Variants in STIMATE observed in about 807,000 individuals in gnomAD.
STIMATE encodes the protein STIM activating enhancer.
Under a neutral mutation model 36.7 loss-of-function variants are expected in STIMATE, and 15 were observed. The observed-to-expected ratio is 0.41, with a 90% CI of 0.27 to 0.63. STIMATE has a LOEUF of 0.63. Ranked by LOEUF, STIMATE falls within the 20% of genes least tolerant of loss-of-function variation. STIMATE has a pLI of 0.32. For missense variants in STIMATE, 305 were observed against 397.3 expected, an observed-to-expected ratio of 0.77 and a Z score of 1.98; for synonymous variants, 163 against 162.3, an observed-to-expected ratio of 1.00 and a Z score of -0.03.
intron 1 of STIMATE, among the ~76,000 whole-genome samples, chr3:52,864,894 C>A (rs1701276972): frequency 6.6e-6 from 1 of 152,126 alleles, no homozygotes; most frequent in Non-Finnish European, 1.5e-5. Flanking sequence ...CAGCCTGGAC[C>A]TTGTCTACAT....
At chr3:52,871,059 CTTCATCGTTG>C (rs1355359247) in intron 1 of STIMATE, among the ~76,000 whole-genome samples, 1 of 152,132 alleles carries the variant, frequency 6.6e-6, no homozygotes, top group Non-Finnish European at 1.5e-5. Context: ...ATCCTGCTCC[CTTCATCGTTG>C]CATTAGGAGG....
intron 1 of STIMATE, among the ~76,000 whole-genome samples, chr3:52,869,572 T>C (rs755626264): frequency 6.6e-6 from 1 of 152,244 alleles, no homozygotes; most frequent in Non-Finnish European, 1.5e-5. Context: ...AAGTCTCTTA[T>C]GCACATCTTT....
intron 1 of STIMATE, among the ~76,000 whole-genome samples, chr3:52,897,021 G>A (rs1701875731): frequency 6.6e-6 from 1 of 152,192 alleles, no homozygotes; most frequent in Admixed American, 6.5e-5. Flanking sequence ...ATTCGAGATG[G>A]TAAGGTGGGA....
chr3:52,884,403 G>A (rs980568335), intron 1 of STIMATE, among the ~76,000 whole-genome samples: 8 of 151,936 alleles, frequency 5.3e-5, no homozygotes, highest in Non-Finnish European at 1.2e-4. Flanking sequence ...CCGCCACCAC[G>A]CCCGGCTAAT....
intron 1 of STIMATE, among the ~76,000 whole-genome samples, chr3:52,889,354 G>A (rs1272350255): frequency 2.0e-5 from 3 of 152,168 alleles, no homozygotes; most frequent in Non-Finnish European, 2.9e-5. Flanking sequence ...CCCACACCTC[G>A]AGAGCTGCAT....
chr3:52,843,166 T>A, intron 6 of STIMATE: 1 of 1,018,510 alleles, frequency 9.8e-7, no homozygotes, highest in Non-Finnish European at 1.4e-6. Flanking sequence ...CTGATCAGAG[T>A]GTGCAAGGAA....
intron 1 of STIMATE, among the ~76,000 whole-genome samples, chr3:52,872,907 T>C (rs1380730244): frequency 6.6e-6 from 1 of 152,220 alleles, no homozygotes; most frequent in African/African-American, 2.4e-5. Context: ...ACTACAGGTG[T>C]GAGCCACCAC....
chr3:52,884,425 T>C (rs1289759602), intron 1 of STIMATE, among the ~76,000 whole-genome samples: 1 of 152,024 alleles, frequency 6.6e-6, no homozygotes, highest in African/African-American at 2.4e-5. Flanking sequence ...TTTATACTTT[T>C]AGTAGGGACA....
rs374333220 is a variant in STIMATE at position 52,842,794 on chromosome 3, A to G, written c.768+17T>C. On this transcript the variant is annotated intron_variant, in intron 7 of 7. Coordinates refer to ENST00000355083, the MANE Select transcript of STIMATE (RefSeq NM_198563.5). ...GATACGACGGCTTGGGCCCTTGGAG[A>G]GTCAGGGAGGCCCTACCTCAGACTC... 1.3e-4 allele frequency: 203 copies of G among 1,613,756 alleles called. No homozygotes were observed. The highest frequency in any genetic ancestry group is 1.7e-4 in the Non-Finnish European group (195 of 1,179,970).
At position 52,897,337 on chromosome 3, in the gene STIMATE, G is replaced by A; in HGVS notation, c.114C>T (p.Ile38=). ...CGACGCCGAGCAGCCCCTGCAGGAA[G>A]ATGCCGAAGCTGTGCATGAGCGCGC... ...ESGALMHSFG[I]FLQGLLGVVA... is the part of the protein sequence containing the mutation. The change falls in exon 1 of 8, where the codon ATC becomes ATT. Residue 38 remains isoleucine, a synonymous_variant. Coordinates refer to ENST00000355083, the MANE Select transcript of STIMATE (RefSeq NM_198563.5). 6.5e-7 allele frequency: 1 copy of A among 1,549,440 alleles called. No individual in the cohort carries two copies. Among genetic ancestry groups the A allele is most frequent in the Non-Finnish European group, 8.7e-7 (1 of 1,155,378 alleles).
chr3:52,855,718 G>C (rs1004350877), intron 1 of STIMATE, among the ~76,000 whole-genome samples: 7 of 152,212 alleles, frequency 4.6e-5, no homozygotes, highest in African/African-American at 1.7e-4. Flanking sequence ...GACACACAAG[G>C]CTCACTCAGA....
chr3:52,842,033 G>A (rs1430147344), intron 7 of STIMATE, among the ~76,000 whole-genome samples: 5 of 152,204 alleles, frequency 3.3e-5, no homozygotes, highest in African/African-American at 9.7e-5. Context: ...CAGGGCCCTC[G>A]TTGGGTTCTG....
At chr3:52,893,940 A>G (rs981250334) in intron 1 of STIMATE, among the ~76,000 whole-genome samples, 1 of 152,184 alleles carries the variant, frequency 6.6e-6, no homozygotes, top group Non-Finnish European at 1.5e-5. Context: ...ACTGGCCAAC[A>G]CGACCTTTGG....
At chr3:52,849,973 T>C in intron 3 of STIMATE, 60 bp from the exon 4 acceptor site, 1 of 1,565,784 alleles carries the variant, frequency 6.4e-7, no homozygotes, top group Admixed American at 1.8e-5. Flanking sequence ...AGGTCATGGC[T>C]GATGCAGGGT....
At chr3:52,885,407 T>C (rs1460498403) in intron 1 of STIMATE, among the ~76,000 whole-genome samples, 3 of 152,208 alleles carry the variant, frequency 2.0e-5, no homozygotes, top group Non-Finnish European at 4.4e-5. Context: ...TTTTTAAACT[T>C]TGTACTCTTT....
chr3:52,881,697 G>A (rs922799998), intron 1 of STIMATE, among the ~76,000 whole-genome samples: 6 of 152,094 alleles, frequency 3.9e-5, no homozygotes, highest in East Asian at 1.9e-4. Context: ...GTGAGACTCC[G>A]TCTCTAAATA....
chr3:52,873,653 A>AG (rs1701448901), intron 1 of STIMATE, among the ~76,000 whole-genome samples: 1 of 152,182 alleles, frequency 6.6e-6, no homozygotes, highest in African/African-American at 2.4e-5. Context: ...TGGGAGGTGC[A>AG]GGGATGAGGC....
At chr3:52,892,529 G>C (rs1392887717) in intron 1 of STIMATE, among the ~76,000 whole-genome samples, 2 of 152,212 alleles carry the variant, frequency 1.3e-5, no homozygotes, top group Non-Finnish European at 1.5e-5. Context: ...CAGCGACACT[G>C]ATTGAGTTTG....
chr3:52,848,508 C>T (rs1700944500), intron 4 of STIMATE: 1 of 152,260 alleles, frequency 6.6e-6, no homozygotes, highest in Non-Finnish European at 1.5e-5. Context: ...GTGGATTCAC[C>T]TTAGCACTGG....
Sources: allele counts gnomAD v4.1 joint callset (sites outside exome capture counted in the v4.1 genomes callset), GRCh38; gene constraint gnomAD v4.1.1; transcripts MANE v1.5; gene names NCBI Gene and HGNC (gene_info 2026-07-23, HGNC 2026-07-21).